GTF3C3: variants seen among roughly 807,000 people sequenced by gnomAD.
GTF3C3 encodes general transcription factor IIIC subunit 3, also known as general transcription factor 3C polypeptide 3.
A neutral mutation model predicts 105.2 loss-of-function variants in GTF3C3; 75 were observed. That is an observed-to-expected ratio of 0.71 (90% CI 0.59 to 0.86). GTF3C3 has a LOEUF of 0.86. Ranked by LOEUF, GTF3C3 falls within the 40% of genes least tolerant of loss-of-function variation. The pLI is 0.00. For synonymous variants in GTF3C3, 335 were observed against 370.4 expected (o/e 0.90, Z 1.10); for missense variants, 856 against 1,076.5 (o/e 0.80, Z 2.87).
At chr2:196,794,110 CAAG>C (rs1699597778) in intron 2 of GTF3C3, among the ~76,000 whole-genome samples, 1 of 152,060 alleles carries the variant, frequency 6.6e-6, no homozygotes, top group African/African-American at 2.4e-5. Context: ...GGTGGCTTTA[CAAG>C]AAGAGGAAGA....
rs763624391 is a variant in GTF3C3 at position 196,764,241 on chromosome 2, C to CAAAG, written c.*318_*321dup. 5.3e-5 allele frequency: 10 copies of CAAAG among 187,742 alleles called. No homozygotes were observed. Among genetic ancestry groups the CAAAG allele is most frequent in the Middle Eastern group, 2.4e-3 (1 of 420 alleles). 11.6% of individuals were successfully genotyped at this position (187,742 alleles called of 1,614,324 possible). A position where few individuals can be genotyped will look rare whatever the true frequency, so the allele number is the denominator to read the frequency against. ...ATTGACAGAGCTATAGTATTAAATACAAAGATGAATAAATGGTGTGAGTGA... is the reference window on the plus strand; with the variant it reads ...ATTGACAGAGCTATAGTATTAAATACAAAGAAAGATGAATAAATGGTGTGAGTGA... On this transcript the variant is annotated 3_prime_UTR_variant, in exon 18 of 18. Coordinates refer to ENST00000263956, the MANE Select transcript of GTF3C3 (RefSeq NM_012086.5).
chr2:196,781,357 A>ATATATATATATAT lies in GTF3C3; in HGVS notation c.1115-696_1115-695insATATATATATATA, dbSNP rs1553578902. Reference sequence around the variant, plus strand: ...ATGTTAAGGGGAAAAAAAAAAAAAAAATATATATATATATATATATATATA... The same window carrying ATATATATATATAT: ...ATGTTAAGGGGAAAAAAAAAAAAAAATATATATATATATATATATATATATATATATATATATA... On this transcript the variant is annotated intron_variant, in intron 8 of 17. Transcript: ENST00000263956. Among the ~76,000 whole-genome samples, 169 of 18,682 alleles carry ATATATATATATAT rather than the reference A, an allele frequency of 9.0e-3. 4 individuals are homozygous for ATATATATATATAT. The highest frequency in any genetic ancestry group is 0.038 in the Middle Eastern group (1 of 26). 12.3% of individuals were successfully genotyped at this position (18,682 alleles called of 152,430 possible).
At position 196,769,895 on chromosome 2, in the gene GTF3C3, G is replaced by A. The variant is rs188949005; in HGVS notation, c.2385+20C>T. The A allele has an allele frequency of 5.0e-5, 79 of 1,587,864 alleles. 1 individual carries two copies. In the African/African-American group the frequency reaches 8.3e-4, roughly 17 times the overall value. On this transcript the variant is annotated intron_variant, in intron 16 of 17. Transcript: ENST00000263956. ...TTTAAGAAACATAAAATCAAGTAAC[G>A]AGAAATTTGAATGAATTACCTGTAC...
intron 4 of GTF3C3, 32 bp from the exon 5 acceptor site, chr2:196,790,102 G>A: frequency 6.8e-7 from 1 of 1,461,606 alleles, no homozygotes; most frequent in Non-Finnish European, 9.3e-7. Flanking sequence ...AATTCCATTG[G>A]CTGAGAGAAG....
At chr2:196,766,473 T>TA (rs1699071189) in intron 17 of GTF3C3, 92 bp downstream of exon 17, 1 of 886,348 alleles carries the variant, frequency 1.1e-6, no homozygotes, top group African/African-American at 1.7e-5. Context: ...CATTTTAATA[T>TA]ACGAGCTATA....
intron 7 of GTF3C3, 69 bp from the exon 8 acceptor site, chr2:196,784,998 G>T: frequency 1.9e-6 from 2 of 1,026,366 alleles, no homozygotes; most frequent in African/African-American, 1.6e-5. Flanking sequence ...GCAAAGATTT[G>T]TACAGTTATT....
At position 196,799,613 on chromosome 2, in the gene GTF3C3, T is replaced by C. The variant is rs779367431; in HGVS notation, c.-2A>G. The C allele has an allele frequency of 1.1e-5, 18 of 1,600,520 alleles. No individual in the cohort carries two copies. The highest frequency in any genetic ancestry group is 1.3e-5 in the African/African-American group (1 of 74,612). On this transcript the variant is annotated 5_prime_UTR_variant, in exon 1 of 18. Coordinates refer to ENST00000263956, the MANE Select transcript of GTF3C3 (RefSeq NM_012086.5). Reference sequence around the variant, plus strand: ...GAGTTCCGGACTGAACCCTGACATGTTTACAGGGTCTGTCTGTGCAACCCC... The same window carrying C: ...GAGTTCCGGACTGAACCCTGACATGCTTACAGGGTCTGTCTGTGCAACCCC...
intron 3 of GTF3C3, chr2:196,791,859 C>T (rs1699554876): frequency 1.3e-5 from 2 of 159,098 alleles, no homozygotes; most frequent in Admixed American, 6.1e-5. Flanking sequence ...ATCACTTGAA[C>T]CTGGGAGGCG....
chr2:196,791,990 C>A (rs1287226793), intron 3 of GTF3C3: 2 of 148,358 alleles, frequency 1.3e-5, no homozygotes, highest in Non-Finnish European at 3.0e-5. Flanking sequence ...AAAAAGTGGT[C>A]AGAAGTTACT....
chr2:196,780,213 T>C (rs1408159414), intron 9 of GTF3C3: 25 of 879,698 alleles, frequency 2.8e-5, no homozygotes, highest in Middle Eastern at 5.7e-4. Context: ...AGATGCTAAG[T>C]ACTTTTTTTT....
At chr2:196,797,208 CACTGAACA>C (rs1699662056) in intron 2 of GTF3C3, among the ~76,000 whole-genome samples, 1 of 152,182 alleles carries the variant, frequency 6.6e-6, no homozygotes, top group Admixed American at 6.5e-5. Context: ...GGGTATCAAT[CACTGAACA>C]TTAATAAATT....
At chr2:196,770,248 CAT>C (rs1699148393) in intron 15 of GTF3C3, among the ~76,000 whole-genome samples, 1 of 152,216 alleles carries the variant, frequency 6.6e-6, no homozygotes, top group Admixed American at 6.5e-5. Flanking sequence ...CATGAAGATT[CAT>C]ATGAGGAACT....
intron 8 of GTF3C3, among the ~76,000 whole-genome samples, chr2:196,783,939 T>G (rs1047900064): frequency 1.3e-5 from 2 of 152,166 alleles, no homozygotes; most frequent in Non-Finnish European, 2.9e-5. Flanking sequence ...CCCAAAAACT[T>G]TCCACTTCAA....
chr2:196,789,842 G>A (rs1366342675), intron 5 of GTF3C3, 37 bp downstream of exon 5: 2 of 1,268,528 alleles, frequency 1.6e-6, no homozygotes, highest in East Asian at 2.4e-5. Context: ...TTATGTAACA[G>A]CTTGTAAAAG....
rs774778937 is a variant in GTF3C3 at position 196,775,258 on chromosome 2, T to G, written c.1696-7A>C. 3.8e-6 allele frequency: 6 copies of G among 1,593,332 alleles called. No homozygotes were observed. The South Asian group carries it at 6.9e-5, about 18-fold the overall frequency. On this transcript the variant is annotated splice_region_variant and splice_polypyrimidine_tract_variant and intron_variant, in intron 12 of 17. Transcript: ENST00000263956. ...GGGCTCGATTCATTGCTACCTGAATTAAAGATGAAGATTTCAGATTCTTTA... is the reference window on the plus strand; with the variant it reads ...GGGCTCGATTCATTGCTACCTGAATGAAAGATGAAGATTTCAGATTCTTTA...
chr2:196,796,581 G>A (rs1279835026), intron 2 of GTF3C3, among the ~76,000 whole-genome samples: 2 of 152,118 alleles, frequency 1.3e-5, no homozygotes, highest in African/African-American at 2.4e-5. Context: ...ATGTACCATG[G>A]TGGTTTGCTG....
In GTF3C3 at chr2:196,781,355, A is replaced by AAT. The variant is rs1553578887; in HGVS notation, c.1115-694_1115-693insAT. Among the ~76,000 whole-genome samples, 87 of 31,192 alleles carry AAT rather than the reference A, an allele frequency of 2.8e-3. 2 individuals carry two copies. The highest frequency in any genetic ancestry group is 6.9e-3 in the African/African-American group (86 of 12,446). 20.5% of individuals were successfully genotyped at this position (31,192 alleles called of 152,430 possible). A position where few individuals can be genotyped will look rare whatever the true frequency, so the allele number is the denominator to read the frequency against. ...AAATGTTAAGGGGAAAAAAAAAAAAAAAATATATATATATATATATATATA... is the reference window on the plus strand; with the variant it reads ...AAATGTTAAGGGGAAAAAAAAAAAAAATAAATATATATATATATATATATATA... On this transcript the variant is annotated intron_variant, in intron 8 of 17. Transcript: ENST00000263956.
At chr2:196,796,339 A>T (rs1160403529) in intron 2 of GTF3C3, among the ~76,000 whole-genome samples, 1 of 152,180 alleles carries the variant, frequency 6.6e-6, no homozygotes, top group Non-Finnish European at 1.5e-5. Flanking sequence ...TTAGGGCCTG[A>T]TGGCTAGCTT....
chr2:196,775,400 C>T (rs1417128972), intron 12 of GTF3C3, 149 bp from the exon 13 acceptor site: 1 of 554,734 alleles, frequency 1.8e-6, no homozygotes, highest in Non-Finnish European at 3.0e-6. Flanking sequence ...GGACCACAGG[C>T]ACATGCCACC....
Sources: gnomAD v4.1 joint callset for allele counts (sites outside exome capture counted in the v4.1 genomes callset) on GRCh38, gnomAD v4.1.1 for gene constraint, MANE v1.5 for transcripts, NCBI Gene and HGNC (gene_info 2026-07-23, HGNC 2026-07-21) for gene names.